ASIC2: variants seen among roughly 807,000 people sequenced by gnomAD.
ASIC2 encodes the protein acid sensing ion channel subunit 2.
Under a neutral mutation model 57.3 loss-of-function variants are expected in ASIC2, and 25 were observed. That is an observed-to-expected ratio of 0.44 (90% CI 0.32 to 0.61). The LOEUF (loss-of-function observed/expected upper bound fraction) is 0.61. Ranked by LOEUF, ASIC2 falls within the 20% of genes least tolerant of loss-of-function variation. The pLI, the probability that ASIC2 is intolerant of heterozygous loss-of-function variation, is 0.06. For synonymous variants in ASIC2, 319 were observed against 307.5 expected (o/e 1.04, Z -0.39); for missense variants, 641 against 738.1 (o/e 0.87, Z 1.52).
intron 1 of ASIC2, chr17:34,004,698 A>C (rs1425678937): frequency 6.6e-6 from 1 of 152,302 alleles, no homozygotes; most frequent in South Asian, 2.1e-4. Context: ...CAAAGACTAA[A>C]CCATTGCAGA....
At chr17:33,015,320 A>G (rs953532335) in intron 9 of ASIC2, among the ~76,000 whole-genome samples, 2 of 152,066 alleles carry the variant, frequency 1.3e-5, no homozygotes, top group Non-Finnish European at 2.9e-5. Flanking sequence ...TGAGTTTTGG[A>G]AGCAGAATGA....
At chr17:33,158,215 C>T (rs1283838141) in intron 1 of ASIC2, among the ~76,000 whole-genome samples, 2 of 152,166 alleles carry the variant, frequency 1.3e-5, no homozygotes, top group African/African-American at 4.8e-5. Context: ...CTCTTTGGCT[C>T]ACTGCTCCAT....
chr17:34,101,617 C>T (rs1910867086), intron 1 of ASIC2, among the ~76,000 whole-genome samples: 1 of 152,082 alleles, frequency 6.6e-6, no homozygotes, highest in South Asian at 2.1e-4. Context: ...TTGCACCATC[C>T]AGTAGGAACC....
At chr17:33,397,437 C>T (rs377134394) in intron 1 of ASIC2, among the ~76,000 whole-genome samples, 2 of 152,022 alleles carry the variant, frequency 1.3e-5, no homozygotes, top group African/African-American at 2.4e-5. Context: ...TAGCAGGGGA[C>T]CTTACATGCA....
chr17:34,075,033 C>T (rs899881534), intron 1 of ASIC2, among the ~76,000 whole-genome samples: 1 of 152,118 alleles, frequency 6.6e-6, no homozygotes, highest in Non-Finnish European at 1.5e-5. Flanking sequence ...GATCTGCCCA[C>T]CTCGGTCTCC....
chr17:33,033,535 C>T (rs1054907594), intron 3 of ASIC2, among the ~76,000 whole-genome samples: 12 of 152,232 alleles, frequency 7.9e-5, no homozygotes, highest in Admixed American at 6.5e-5. Flanking sequence ...CCTGCACCCT[C>T]AGTGGCCCCA....
At chr17:33,466,432 T>A (rs535142594) in intron 1 of ASIC2, among the ~76,000 whole-genome samples, 1 of 152,214 alleles carries the variant, frequency 6.6e-6, no homozygotes, top group African/African-American at 2.4e-5. Context: ...AATTTATAGA[T>A]TCGATGCCAT....
intron 1 of ASIC2, among the ~76,000 whole-genome samples, chr17:33,622,914 T>C (rs531972882): frequency 5.9e-5 from 9 of 152,178 alleles, no homozygotes; most frequent in Non-Finnish European, 1.3e-4. Context: ...GAAGCAGGAT[T>C]TTCTTTCCCA....
At chr17:33,969,301 C>A (rs1005888408) in intron 1 of ASIC2, among the ~76,000 whole-genome samples, 2 of 152,144 alleles carry the variant, frequency 1.3e-5, no homozygotes, top group Non-Finnish European at 2.9e-5. Context: ...TGGTACATAG[C>A]CAATGCTCAG....
intron 1 of ASIC2, among the ~76,000 whole-genome samples, chr17:33,785,423 C>T (rs534040109): frequency 6.6e-6 from 1 of 152,232 alleles, no homozygotes; most frequent in African/African-American, 2.4e-5. Flanking sequence ...GCAGTTACAA[C>T]AACTCCATTT....
intron 1 of ASIC2, among the ~76,000 whole-genome samples, chr17:33,556,209 C>T: frequency 6.6e-6 from 1 of 152,174 alleles, no homozygotes; most frequent in African/African-American, 2.4e-5. Context: ...ATCAACCCAC[C>T]TTGGACTTCT....
intron 1 of ASIC2, among the ~76,000 whole-genome samples, chr17:33,447,084 G>A (rs1912050989): frequency 6.6e-6 from 1 of 152,184 alleles, no homozygotes; most frequent in African/African-American, 2.4e-5. Flanking sequence ...TTTGCAGTTG[G>A]ATTAGCCACA....
At chr17:33,425,706 G>A (rs1911195258) in intron 1 of ASIC2, among the ~76,000 whole-genome samples, 1 of 152,124 alleles carries the variant, frequency 6.6e-6, no homozygotes. Flanking sequence ...TGTCTGGAAG[G>A]GGATAGACCA....
At chr17:34,072,749 A>G (rs1004531385) in intron 1 of ASIC2, among the ~76,000 whole-genome samples, 7 of 152,246 alleles carry the variant, frequency 4.6e-5, no homozygotes, top group Non-Finnish European at 7.3e-5. Flanking sequence ...GATTTCTCTC[A>G]GGCATTTTTA....
At chr17:33,853,309 G>A (rs1019099828) in intron 1 of ASIC2, among the ~76,000 whole-genome samples, 2 of 152,184 alleles carry the variant, frequency 1.3e-5, no homozygotes, top group African/African-American at 4.8e-5. Context: ...CCATGGGGAA[G>A]AAACTCCTGG....
At chr17:33,328,693 C>T (rs1249069128) in intron 1 of ASIC2, among the ~76,000 whole-genome samples, 1 of 152,150 alleles carries the variant, frequency 6.6e-6, no homozygotes, top group Non-Finnish European at 1.5e-5. Flanking sequence ...CTTCCTGTCT[C>T]CCCTTTCTCA....
At chr17:33,642,446 A>C (rs1414529610) in intron 1 of ASIC2, among the ~76,000 whole-genome samples, 1 of 151,792 alleles carries the variant, frequency 6.6e-6, no homozygotes, top group East Asian at 1.9e-4. Context: ...AGTCAATTCC[A>C]CTCTGACACA....
chr17:33,527,634 A>G (rs1385147381), intron 1 of ASIC2, among the ~76,000 whole-genome samples: 3 of 152,354 alleles, frequency 2.0e-5, no homozygotes, highest in Non-Finnish European at 4.4e-5. Context: ...TGGGAATATC[A>G]GGAATATCCC....
intron 1 of ASIC2, among the ~76,000 whole-genome samples, chr17:33,556,735 A>G (rs1915919955): frequency 6.6e-6 from 1 of 152,242 alleles, no homozygotes; most frequent in African/African-American, 2.4e-5. Context: ...ATTAGTGTTT[A>G]CAGGTAAGCT....
Sources: gnomAD v4.1 joint callset for allele counts (sites outside exome capture counted in the v4.1 genomes callset) on GRCh38, gnomAD v4.1.1 for gene constraint, MANE v1.5 for transcripts, NCBI Gene and HGNC (gene_info 2026-07-23, HGNC 2026-07-21) for gene names.